Variants in PIK3R5 observed in about 807,000 individuals in gnomAD.
PIK3R5 encodes phosphoinositide-3-kinase regulatory subunit 5.
Under a neutral mutation model 94.9 loss-of-function variants are expected in PIK3R5, and 32 were observed. The ratio of observed to expected loss-of-function variants is 0.34; its 90% CI spans 0.25 to 0.45. PIK3R5 has a LOEUF of 0.45. Among genes scored for constraint, PIK3R5 ranks in the 20% least tolerant of loss-of-function variants. The probability of loss-of-function intolerance (pLI) is 1.00; values close to 1 mark genes in which losing one functional copy is unlikely to be tolerated. For synonymous variants in PIK3R5, 443 were observed against 479.4 expected (o/e 0.92, Z 0.99); for missense variants, 853 against 1,144.6 (o/e 0.75, Z 3.68).
chr17:8,959,338 G>T (rs1289016946), intron 1 of PIK3R5, among the ~76,000 whole-genome samples: 2 of 152,220 alleles, frequency 1.3e-5, no homozygotes, highest in African/African-American at 4.8e-5. Context: ...TAGAACAGGA[G>T]TTATTAACCT....
intron 5 of PIK3R5, among the ~76,000 whole-genome samples, chr17:8,894,398 G>A (rs762503689): frequency 5.3e-5 from 8 of 152,126 alleles, no homozygotes; most frequent in Non-Finnish European, 8.8e-5. Context: ...CCAGGCAGTG[G>A]GTTTCGAGTT....
At position 8,880,463 on chromosome 17, in the gene PIK3R5, C is replaced by T; in HGVS notation, c.*176G>A. The T allele has an allele frequency of 1.7e-6, 1 of 581,900 alleles. No homozygotes were observed. The highest frequency in any genetic ancestry group is 2.9e-6 in the Non-Finnish European group (1 of 350,014). 36.0% of individuals were successfully genotyped at this position (581,900 alleles called of 1,614,324 possible). A position where few individuals can be genotyped will look rare whatever the true frequency, so the allele number is the denominator to read the frequency against. ...TCTCTCTCTGATAGCTGTTGCTTTC[C>T]CAGAACCCTGAGGCCCCAGAAACCC... On this transcript the variant is annotated 3_prime_UTR_variant, in exon 19 of 19. Transcript: ENST00000447110.
chr17:8,886,631 A>G (rs1411546070), intron 12 of PIK3R5, 26 bp from the exon 13 acceptor site: 3 of 1,554,082 alleles, frequency 1.9e-6, no homozygotes, highest in Non-Finnish European at 2.6e-6. Context: ...AGGGGCAGCC[A>G]AGCCAGATGG....
Position 8,925,160 on chromosome 17 carries a change from A to G in PIK3R5, c.-13-13653T>C, listed in dbSNP as rs1264053466. Among the ~76,000 whole-genome samples the G allele has an allele frequency of 6.6e-6, 1 of 151,934 alleles. No individual in the cohort carries two copies. Among genetic ancestry groups the G allele is most frequent in the Non-Finnish European group, 1.5e-5 (1 of 67,932 alleles). ...ATAGTAGATGAATAGATAGCTAGAT[A>G]GTAGATGGATAGATGGGTAGATAGA... On this transcript the variant is annotated intron_variant, in intron 1 of 18. Coordinates refer to ENST00000447110, the MANE Select transcript of PIK3R5 (RefSeq NM_001142633.3). The surrounding 1 kb of genome is among the most constrained non-coding windows in gnomAD (Gnocchi z 5.1).
chr17:8,881,798 C>T lies in PIK3R5; in HGVS notation c.2289G>A (p.Gln763=). 6.2e-7 allele frequency: 1 copy of T among 1,614,162 alleles called. No homozygotes were observed. The highest frequency in any genetic ancestry group is 8.5e-7 in the Non-Finnish European group (1 of 1,180,002). The stretch of plus-strand genomic sequence containing the variant: ...GACCACCCCACTCACCCAGCTCCTC[C>T]TGCTTCCGGCAGGCCTTGTTGAGGT... ...SVNLNKACRK[Q]EELDSSMEAL... is the part of the protein sequence containing the mutation. Residue 763 remains glutamine, a synonymous_variant, in exon 16 of 19, where the codon CAG becomes CAA. Transcript: ENST00000447110. This position sits in a 1 kb window ranked among gnomAD's most constrained non-coding sequence, Gnocchi z 4.8.
At chr17:8,950,266 C>T (rs150165963) in intron 1 of PIK3R5, among the ~76,000 whole-genome samples, 90 of 152,298 alleles carry the variant, frequency 5.9e-4, no homozygotes, top group African/African-American at 2.0e-3. Flanking sequence ...CCAGAGAACC[C>T]TGCCTTTGGT....
chr17:8,923,958 G>A (rs531110549), intron 1 of PIK3R5, among the ~76,000 whole-genome samples: 8 of 124,118 alleles, frequency 6.4e-5, no homozygotes, highest in African/African-American at 1.6e-4. Flanking sequence ...AGGCCAGAGC[G>A]CAGTGGTGTG....
At chr17:8,905,608 G>T in intron 4 of PIK3R5, 61 bp downstream of exon 4, 2 of 1,275,002 alleles carry the variant, frequency 1.6e-6, no homozygotes, top group Non-Finnish European at 2.2e-6. Flanking sequence ...CTCTGCCCCA[G>T]ATAGAGGTCG....
intron 1 of PIK3R5, among the ~76,000 whole-genome samples, chr17:8,961,265 G>T (rs894863006): frequency 6.6e-6 from 1 of 152,088 alleles, no homozygotes; most frequent in African/African-American, 2.4e-5. Context: ...AAGAAGGAGG[G>T]GTGGACCTGG....
chr17:8,891,725 T>G (rs1324087027), intron 6 of PIK3R5, among the ~76,000 whole-genome samples: 2 of 151,306 alleles, frequency 1.3e-5, no homozygotes, highest in Admixed American at 6.6e-5. Context: ...GCCTCCCAAA[T>G]AGCTGGGACT....
At chr17:8,900,845 T>C (rs574244532) in intron 5 of PIK3R5, among the ~76,000 whole-genome samples, 137 of 152,210 alleles carry the variant, frequency 9.0e-4, no homozygotes, top group African/African-American at 3.0e-3. Context: ...TAGCGTGCAT[T>C]GAGCTGAGGA....
In PIK3R5 at chr17:8,888,930, GC is replaced by G; in HGVS notation, c.896-40del. 6.4e-7 allele frequency: 1 copy of G among 1,562,666 alleles called. No individual in the cohort carries two copies. The highest frequency in any genetic ancestry group is 8.6e-7 in the Non-Finnish European group (1 of 1,158,758). On this transcript the variant is annotated intron_variant, in intron 9 of 18. Transcript: ENST00000447110. This position sits in a 1 kb window ranked among gnomAD's most constrained non-coding sequence, Gnocchi z 7.8. ...AGGCCAGCACTGTCTGGGCGTCTGGGCCCCGGATCCCCTTCTATATTCCCTT... is the reference window on the plus strand; with the variant it reads ...AGGCCAGCACTGTCTGGGCGTCTGGGCCCGGATCCCCTTCTATATTCCCTT...
intron 1 of PIK3R5, among the ~76,000 whole-genome samples, chr17:8,914,691 C>T (rs146954924): frequency 1.3e-5 from 2 of 152,324 alleles, no homozygotes; most frequent in Non-Finnish European, 2.9e-5. Context: ...CAAACTCGCT[C>T]GCCTGCTCCG....
Position 8,882,714 on chromosome 17 carries a change from T to TCC in PIK3R5, c.2206-835_2206-834dup, listed in dbSNP as rs1210052422. ...ACTGGACCCCGGCCTCTTCCTGTGG[T>TCC]CCCCCCAGAGAAGATGGTGCTGCCA... On this transcript the variant is annotated intron_variant, in intron 15 of 18. Transcript: ENST00000447110. This position sits in a 1 kb window ranked among gnomAD's most constrained non-coding sequence, Gnocchi z 4.1. Among the ~76,000 whole-genome samples the TCC allele has an allele frequency of 2.0e-5, 3 of 151,816 alleles. No homozygotes were observed. In the East Asian group the frequency reaches 5.8e-4, roughly 29 times the overall value.
At chr17:8,961,828 T>G (rs896317346) in intron 1 of PIK3R5, among the ~76,000 whole-genome samples, 4 of 152,150 alleles carry the variant, frequency 2.6e-5, no homozygotes, top group African/African-American at 9.7e-5. Flanking sequence ...ATCTTCTCTG[T>G]GCCATGAAAG....
In PIK3R5 at chr17:8,890,927, G is replaced by T; in HGVS notation, c.483-15C>A. On this transcript the variant is annotated splice_polypyrimidine_tract_variant and intron_variant, in intron 6 of 18. Coordinates refer to ENST00000447110, the MANE Select transcript of PIK3R5 (RefSeq NM_001142633.3). The surrounding 1 kb of genome is among the most constrained non-coding windows in gnomAD (Gnocchi z 6.1). ...GCAGCACGGTGCTGGGGACACAGGG[G>T]ACCGGCTATGGCACCCAGGGGTGCG... 1.2e-6 allele frequency: 2 copies of T among 1,611,426 alleles called. No individual in the cohort carries two copies. The highest frequency in any genetic ancestry group is 1.1e-5 in the South Asian group (1 of 90,740).
At chr17:8,914,179 A>AC (rs2090587418) in intron 1 of PIK3R5, among the ~76,000 whole-genome samples, 1 of 151,832 alleles carries the variant, frequency 6.6e-6, no homozygotes, top group Non-Finnish European at 1.5e-5. Flanking sequence ...CTCCCAGGTT[A>AC]CCCCCAGAGC....
chr17:8,947,282 G>T (rs1233520708), intron 1 of PIK3R5, among the ~76,000 whole-genome samples: 4 of 152,306 alleles, frequency 2.6e-5, no homozygotes, highest in African/African-American at 9.6e-5. Flanking sequence ...CTGTTGGAAG[G>T]TCAAGTTAGT....
intron 15 of PIK3R5, among the ~76,000 whole-genome samples, chr17:8,883,092 G>C (rs2089720542): frequency 2.0e-5 from 3 of 152,186 alleles, no homozygotes; most frequent in Non-Finnish European, 4.4e-5. Flanking sequence ...TCATTGGGTC[G>C]GGCGTGGTGG....
Sources: allele counts gnomAD v4.1 joint callset (sites outside exome capture counted in the v4.1 genomes callset), GRCh38; gene constraint gnomAD v4.1.1; non-coding constraint Gnocchi (gnomAD v3.1); transcripts MANE v1.5; gene names NCBI Gene and HGNC (gene_info 2026-07-23, HGNC 2026-07-21).